The following DGKI variants were observed in gnomAD, a reference collection of about 807,000 sequenced individuals.
DGKI encodes DAG kinase iota.
A neutral mutation model predicts 147.5 loss-of-function variants in DGKI; 55 were observed. The ratio of observed to expected loss-of-function variants is 0.37; its 90% confidence interval spans 0.30 to 0.47. The LOEUF is 0.47. DGKI is among the 20% of genes least tolerant of loss of function. DGKI has a pLI of 1.00. For synonymous variants in DGKI, 469 were observed against 477.1 expected (o/e 0.98, Z 0.22); for missense variants, 1,007 against 1,323.8 (o/e 0.76, Z 3.71).
At chr7:137,819,132 G>A (rs1370986396) in intron 1 of DGKI, among the ~76,000 whole-genome samples, 3 of 152,042 alleles carry the variant, frequency 2.0e-5, no homozygotes, top group Non-Finnish European at 4.4e-5. Flanking sequence ...CAGCTTAACT[G>A]GGAACCTGGT....
chr7:137,509,299 G>A (rs991219905), intron 21 of DGKI, among the ~76,000 whole-genome samples: 2 of 152,136 alleles, frequency 1.3e-5, no homozygotes, highest in Non-Finnish European at 2.9e-5. Flanking sequence ...TGAAAAATTA[G>A]GTGAGTGACT....
intron 21 of DGKI, among the ~76,000 whole-genome samples, chr7:137,497,471 A>G (rs1563054137): frequency 6.6e-6 from 1 of 152,042 alleles, no homozygotes; most frequent in Non-Finnish European, 1.5e-5. Context: ...AATCACTCTA[A>G]CATAAAGACA....
At chr7:137,763,142 A>G (rs1453952233) in intron 1 of DGKI, among the ~76,000 whole-genome samples, 1 of 152,252 alleles carries the variant, frequency 6.6e-6, no homozygotes, top group Non-Finnish European at 1.5e-5. Flanking sequence ...GTGGTATGGT[A>G]AGGACTGCAA....
chr7:137,608,886 C>T, intron 10 of DGKI, 80 bp downstream of exon 10: 6 of 1,093,268 alleles, frequency 5.5e-6, no homozygotes, highest in South Asian at 5.4e-5. Flanking sequence ...CCTAGTGGTA[C>T]TATTTTAATT....
At chr7:137,545,495 A>C (rs1392418000) in intron 20 of DGKI, among the ~76,000 whole-genome samples, 1 of 151,812 alleles carries the variant, frequency 6.6e-6, no homozygotes, top group Non-Finnish European at 1.5e-5. Flanking sequence ...ACACACACAC[A>C]CTCAAAACTC....
At chr7:137,725,165 A>T (rs1049266266) in intron 1 of DGKI, among the ~76,000 whole-genome samples, 33 of 152,242 alleles carry the variant, frequency 2.2e-4, no homozygotes, top group Admixed American at 1.9e-3. Flanking sequence ...TCCCTCCCAA[A>T]GCCTGTGATT....
At chr7:137,584,334 T>C (rs920731314) in intron 14 of DGKI, among the ~76,000 whole-genome samples, 1 of 152,132 alleles carries the variant, frequency 6.6e-6, no homozygotes, top group Non-Finnish European at 1.5e-5. Flanking sequence ...GAAAGTAATA[T>C]GAGGGAAGTG....
rs80224708 is a variant in DGKI at position 137,646,788 on chromosome 7, C to T, written c.739-1251G>A. 5.7e-3 allele frequency among the ~76,000 whole-genome samples: 866 copies of T among 152,018 alleles called. 5 individuals are homozygous for T. Among genetic ancestry groups the T allele is most frequent in the Middle Eastern group, 0.01 (3 of 294 alleles). On this transcript the variant is annotated intron_variant, in intron 5 of 32. Transcript: ENST00000614521. ...CATGCAAGGCACTGTTCTATTAGTA[C>T]GTACAGATGGACAGAAAATAGATCA...
chr7:137,503,874 A>G (rs1040058994), intron 21 of DGKI, among the ~76,000 whole-genome samples: 2 of 152,144 alleles, frequency 1.3e-5, no homozygotes, highest in Non-Finnish European at 2.9e-5. Context: ...TTTACCCTTA[A>G]TTCTATTATC....
intron 5 of DGKI, among the ~76,000 whole-genome samples, chr7:137,649,902 T>C (rs1214904284): frequency 6.6e-6 from 1 of 151,836 alleles, no homozygotes; most frequent in African/African-American, 2.4e-5. Flanking sequence ...AACAAATATT[T>C]ATTTAAAACT....
intron 1 of DGKI, among the ~76,000 whole-genome samples, chr7:137,742,476 G>A (rs1795201521): frequency 6.6e-6 from 1 of 152,054 alleles, no homozygotes; most frequent in Non-Finnish European, 1.5e-5. Context: ...CACTGCTATG[G>A]CCAGATGTAC....
In DGKI at chr7:137,466,936, G is replaced by A; in HGVS notation, c.2450C>T (p.Ser817Phe). 1.2e-6 allele frequency: 2 copies of A among 1,614,130 alleles called. No individual in the cohort carries two copies. The highest frequency in any genetic ancestry group is 1.7e-6 in the Non-Finnish European group (2 of 1,180,020). Residue 817 changes from serine (S) to phenylalanine (F), a missense_variant, in exon 25 of 33, where the codon TCT becomes TTT. Transcript: ENST00000614521. ...GTCTATTCGATAAAAGCGATCAGCA[G>A]AAGTTGCTAGGGGAAAAAAAATGCA... ...SPRWCFLDATSADRFYRIDRS... is the reference protein window; with the variant it reads ...SPRWCFLDATFADRFYRIDRS...
At chr7:137,407,837 G>A (rs770670424) in intron 30 of DGKI, 38 bp downstream of exon 30, 4 of 1,609,114 alleles carry the variant, frequency 2.5e-6, no homozygotes, top group Non-Finnish European at 3.4e-6. Flanking sequence ...GGATTTCACA[G>A]GTAAGTGATC....
intron 20 of DGKI, among the ~76,000 whole-genome samples, chr7:137,550,484 T>C (rs989905129): frequency 7.2e-5 from 11 of 152,156 alleles, no homozygotes; most frequent in Non-Finnish European, 1.6e-4. Flanking sequence ...CCAGTAACAG[T>C]ATTTTTAAGT....
chr7:137,632,579 C>T (rs2129002309), intron 6 of DGKI, among the ~76,000 whole-genome samples: 1 of 152,224 alleles, frequency 6.6e-6, no homozygotes, highest in Non-Finnish European at 1.5e-5. Context: ...AAGATACAGG[C>T]CGGGCATGGT....
In DGKI at chr7:137,412,026, C is replaced by A. The variant is rs1254941588; in HGVS notation, c.2799+144G>T. On this transcript the variant is annotated intron_variant, in intron 29 of 32. Transcript: ENST00000614521. ...TTGAACACCATCTCTGCTCAGTTCT[C>A]AAAAGAACATCCTGCCTCTTCTACC... is the stretch of plus-strand genomic sequence containing the variant. 3 of 788,852 alleles carry A rather than the reference C, an allele frequency of 3.8e-6. No individual in the cohort carries two copies. In the African/African-American group the frequency reaches 5.2e-5, roughly 14 times the overall value. 48.9% of individuals were successfully genotyped at this position (788,852 alleles called of 1,614,324 possible).
chr7:137,440,082 T>C (rs577867072), intron 28 of DGKI, among the ~76,000 whole-genome samples: 1 of 152,232 alleles, frequency 6.6e-6, no homozygotes, highest in East Asian at 1.9e-4. Flanking sequence ...AGATGAGTTC[T>C]CAGAGCCAGG....
chr7:137,813,960 A>G (rs773631729), intron 1 of DGKI, among the ~76,000 whole-genome samples: 1 of 152,238 alleles, frequency 6.6e-6, no homozygotes, highest in Non-Finnish European at 1.5e-5. Flanking sequence ...CCAAGGGAAA[A>G]CAGGCTCATA....
At chr7:137,518,896 G>A (rs917632130) in intron 21 of DGKI, among the ~76,000 whole-genome samples, 30 of 152,042 alleles carry the variant, frequency 2.0e-4, no homozygotes, top group African/African-American at 7.2e-4. Context: ...TTCTGTTTAT[G>A]AGAGTGATTT....
Sources: gnomAD v4.1 joint callset for allele counts (sites outside exome capture counted in the v4.1 genomes callset) on GRCh38, gnomAD v4.1.1 for gene constraint, MANE v1.5 for transcripts, NCBI Gene and HGNC (gene_info 2026-07-23, HGNC 2026-07-21) for gene names.